PDP1: variants seen among roughly 807,000 people sequenced by gnomAD.
PDP1 encodes the protein pyruvate dehydrogenase phosphatase catalytic subunit 1.
In PDP1, 14 loss-of-function variants were observed where a neutral mutation model predicts 37.1. That is an observed-to-expected ratio of 0.38 (90% confidence interval 0.25 to 0.59). The LOEUF is 0.59. Among genes scored for constraint, PDP1 ranks in the 20% least tolerant of loss-of-function variants. The pLI is 0.67. For missense variants in PDP1, 544 were observed against 655.3 expected, an observed-to-expected ratio of 0.83 and a Z score of 1.85; for synonymous variants, 251 against 243.3, an observed-to-expected ratio of 1.03 and a Z score of -0.29.
chr8:93,921,174 T>C (rs1810257509), intron 1 of PDP1: 1 of 983,422 alleles, frequency 1.0e-6, no homozygotes, highest in African/African-American at 1.7e-5. Context: ...CATAAAGGCA[T>C]GAATCCTAGA....
chr8:93,917,396 G>T (rs2130855289), intron 1 of PDP1, among the ~76,000 whole-genome samples: 1 of 152,104 alleles, frequency 6.6e-6, no homozygotes, highest in African/African-American at 2.4e-5. Flanking sequence ...GGAGGCTGTA[G>T]GGCTGCGGCA....
chr8:93,917,638 T>TG (rs1563513976), intron 1 of PDP1: 7 of 602,264 alleles, frequency 1.2e-5, no homozygotes, highest in Non-Finnish European at 2.0e-5. Flanking sequence ...CCCCGCTGCC[T>TG]TGGGCTGTGG....
intron 1 of PDP1, among the ~76,000 whole-genome samples, chr8:93,918,618 C>T (rs1810162475): frequency 1.3e-5 from 2 of 152,142 alleles, no homozygotes; most frequent in Non-Finnish European, 2.9e-5. Context: ...AGGAAATTTT[C>T]CGTGAAAATT....
intron 1 of PDP1, chr8:93,919,235 A>G (rs1810182523): frequency 5.4e-6 from 3 of 553,050 alleles, no homozygotes; most frequent in Non-Finnish European, 6.9e-6. Flanking sequence ...AGTAGAAAAG[A>G]TGTCATACCA....
chr8:93,923,748 A>G lies in PDP1; in HGVS notation c.*75A>G, dbSNP rs1810361304. ...AGATTTTTTAAAAAGATACTACTAT[A>G]ATAAACATTTCCAGTTGGTCATTCT... is the stretch of plus-strand genomic sequence containing the variant. On this transcript the variant is annotated 3_prime_UTR_variant, in exon 2 of 2. Coordinates refer to ENST00000297598, the MANE Select transcript of PDP1 (RefSeq NM_018444.4). This position sits in a 1 kb window ranked among gnomAD's most constrained non-coding sequence, Gnocchi z 4.3. 1 of 1,168,968 alleles carries G rather than the reference A, an allele frequency of 8.6e-7. No homozygotes were observed. The highest frequency in any genetic ancestry group is 1.3e-6 in the Non-Finnish European group (1 of 776,850). The allele number at this position is 1,168,968 out of a possible 1,614,324, so 72.4% of individuals were successfully genotyped here. A position where few individuals can be genotyped will look rare whatever the true frequency, so the allele number is the denominator to read the frequency against.
At position 93,923,414 on chromosome 8, in the gene PDP1, A is replaced by G. The variant is rs749767366; in HGVS notation, c.1355A>G (p.Lys452Arg). Reference protein sequence around the residue: ...HQQPIAVGGYKVTLGQMHGLL... With the variant: ...HQQPIAVGGYRVTLGQMHGLL... Reference sequence around the variant, plus strand: ...CAGCCAATAGCTGTTGGTGGCTACAAGGTGACTCTGGGACAGATGCATGGC... The same window carrying G: ...CAGCCAATAGCTGTTGGTGGCTACAGGGTGACTCTGGGACAGATGCATGGC... Residue 452 changes from lysine (K) to arginine (R), a missense_variant, in exon 2 of 2, where the codon AAG (lysine) becomes AGG (arginine). Coordinates refer to ENST00000297598, the MANE Select transcript of PDP1 (RefSeq NM_018444.4). This position sits in a 1 kb window ranked among gnomAD's most constrained non-coding sequence, Gnocchi z 4.3. The G allele has an allele frequency of 4.0e-5, 64 of 1,605,574 alleles. No individual in the cohort carries two copies. The highest frequency in any genetic ancestry group is 3.3e-4 in the Middle Eastern group (2 of 6,030).
intron 1 of PDP1, chr8:93,921,070 A>C: frequency 1.0e-6 from 1 of 956,334 alleles, no homozygotes; most frequent in Non-Finnish European, 1.2e-6. Context: ...CAATACTTAA[A>C]CTTTTTTTTT....
chr8:93,923,013 T>C lies in PDP1; in HGVS notation c.954T>C (p.Asn318=), dbSNP rs1399111336. 6.2e-7 allele frequency: 1 copy of C among 1,614,070 alleles called. No homozygotes were observed. The highest frequency in any genetic ancestry group is 1.1e-5 in the South Asian group (1 of 91,084). The change falls in exon 2 of 2, where the codon AAT becomes AAC. Residue 318 remains asparagine (N), a synonymous_variant. Coordinates refer to ENST00000297598, the MANE Select transcript of PDP1 (RefSeq NM_018444.4). This position sits in a 1 kb window ranked among gnomAD's most constrained non-coding sequence, Gnocchi z 4.3. ...TGTCTAATGACCACAATGCTCAAAATGAAAGAGAACTAGAACGGCTGAAAT... is the reference window on the plus strand; with the variant it reads ...TGTCTAATGACCACAATGCTCAAAACGAAAGAGAACTAGAACGGCTGAAAT... ...VTLSNDHNAQ[N]ERELERLKLE... is the part of the protein sequence containing the mutation.
Position 93,922,385 on chromosome 8 carries a change from T to C in PDP1, c.326T>C (p.Ile109Thr). The change falls in exon 2 of 2, where the codon ATC becomes ACC. Residue 109 changes from isoleucine (I) to threonine (T), a missense_variant. Ile to Thr is a moderately conservative substitution (Grantham distance 89, BLOSUM62 -1). Around this residue, in one of 5 missense-constraint regions of PDP1, gnomAD observed 342 missense variants for 414.0 expected, o/e 0.83. Transcript: ENST00000297598. The surrounding 1 kb of genome is among the most constrained non-coding windows in gnomAD (Gnocchi z 4.0). Reference sequence around the variant, plus strand: ...TTTGACGGCAAAAATGTCAGTTCTATCCTTGGATTTGACAGCAATCAGCTG... The same window carrying C: ...TTTGACGGCAAAAATGTCAGTTCTACCCTTGGATTTGACAGCAATCAGCTG... ...PEFDGKNVSS[I>T]LGFDSNQLPA... 6.2e-7 allele frequency: 1 copy of C among 1,614,224 alleles called. No homozygotes were observed. Among genetic ancestry groups the C allele is most frequent in the Non-Finnish European group, 8.5e-7 (1 of 1,180,034 alleles).
chr8:93,921,367 C>T, intron 1 of PDP1: 1 of 980,424 alleles, frequency 1.0e-6, no homozygotes, highest in Non-Finnish European at 1.2e-6. Flanking sequence ...TACTGGGGTA[C>T]AGGAGAGAAA....
rs764697879 is a variant in PDP1, at chr8:93,917,079, G to T, written c.-45G>T. 1 of 478,556 alleles carries T rather than the reference G, an allele frequency of 2.1e-6. No individual in the cohort carries two copies. Among genetic ancestry groups the T allele is most frequent in the South Asian group, 1.5e-5 (1 of 66,904 alleles). The allele number at this position is 478,556 out of a possible 1,614,324, so 29.6% of individuals were successfully genotyped here. A position where few individuals can be genotyped will look rare whatever the true frequency, so the allele number is the denominator to read the frequency against. ...AATCGTTTGGTCTCCTGCCGTGCCC[G>T]GTTCGTATTCCCTACTCCCTGCCAC... On this transcript the variant is annotated splice_region_variant and 5_prime_UTR_variant, in exon 1 of 2. Coordinates refer to ENST00000297598, the MANE Select transcript of PDP1 (RefSeq NM_018444.4).
chr8:93,920,968 T>C (rs1810250231), intron 1 of PDP1: 1 of 984,126 alleles, frequency 1.0e-6, no homozygotes, highest in Non-Finnish European at 1.2e-6. Context: ...TGGGTTTTCC[T>C]TATAGCTGCT....
rs1286671211 is a variant in PDP1, at chr8:93,924,016, T to TC, written c.*343_*344insC. 1.5e-5 allele frequency: 5 copies of TC among 342,006 alleles called. No homozygotes were observed. The highest frequency in any genetic ancestry group is 1.1e-4 in the African/African-American group (5 of 46,744). The allele number at this position is 342,006 out of a possible 1,614,324, so 21.2% of individuals were successfully genotyped here. On this transcript the variant is annotated 3_prime_UTR_variant, in exon 2 of 2. Transcript: ENST00000297598. ...CCAAAAGCAAGTATCTTGCTGTGTG[T>TC]AGTCTCTTGGTTAAAGTGAAGAAAC...
At chr8:93,917,873 G>C (rs1405867119) in intron 1 of PDP1, 5 of 1,613,926 alleles carry the variant, frequency 3.1e-6, no homozygotes, top group Non-Finnish European at 4.2e-6. Flanking sequence ...CTGCCCGCGC[G>C]GGTTGTGGAT....
At position 93,916,963 on chromosome 8, in the gene PDP1, G is replaced by T. The variant is rs771299570; in HGVS notation, c.-161G>T. 19 of 458,276 alleles carry T rather than the reference G, an allele frequency of 4.1e-5. No individual in the cohort carries two copies. Among genetic ancestry groups the T allele is most frequent in the Non-Finnish European group, 8.2e-5 (19 of 232,906 alleles). 28.4% of individuals were successfully genotyped at this position (458,276 alleles called of 1,614,324 possible). A position where few individuals can be genotyped will look rare whatever the true frequency, so the allele number is the denominator to read the frequency against. On this transcript the variant is annotated 5_prime_UTR_variant, in exon 1 of 2. Coordinates refer to ENST00000297598, the MANE Select transcript of PDP1 (RefSeq NM_018444.4). The stretch of plus-strand genomic sequence containing the variant: ...TAGGGGAGCAGAGTGGGCAGGCCGG[G>T]GGTGAGGGCTCGCGCTCCGGGAGCT...
chr8:93,917,636 C>T, intron 1 of PDP1: 1 of 597,884 alleles, frequency 1.7e-6, no homozygotes, highest in Non-Finnish European at 2.9e-6. Context: ...GGCCCCGCTG[C>T]CTTGGGCTGT....
rs1810363132 is a variant in PDP1 at position 93,923,812 on chromosome 8, T to A, written c.*139T>A. The A allele has an allele frequency of 1.3e-5, 10 of 787,300 alleles. No individual in the cohort carries two copies. In the South Asian group the frequency reaches 1.3e-4, roughly 11 times the overall value. The allele number at this position is 787,300 out of a possible 1,614,324, so 48.8% of individuals were successfully genotyped here. On this transcript the variant is annotated 3_prime_UTR_variant, in exon 2 of 2. Transcript: ENST00000297598. The surrounding 1 kb of genome is among the most constrained non-coding windows in gnomAD (Gnocchi z 4.3). ...TTTGATACTCTAGCTAGTCAGGTAC[T>A]CCAAATTGACTTTGCAGCAGGGTGG...
chr8:93,920,553 G>A, intron 1 of PDP1: 1 of 923,042 alleles, frequency 1.1e-6, no homozygotes, highest in Non-Finnish European at 1.3e-6. Context: ...AAATTATCTA[G>A]ATTAATGATA....
Position 93,923,317 on chromosome 8 carries a change from T to G in PDP1, c.1258T>G (p.Leu420Val), listed in dbSNP as rs759729815. The change falls in exon 2 of 2, where the codon TTG (leucine) becomes GTG (valine). Residue 420 changes from leucine (L) to valine (V), a missense_variant. Leu to Val is a conservative substitution (Grantham distance 32). Around this residue, in one of 5 missense-constraint regions of PDP1, gnomAD observed 159 missense variants for 165.5 expected, o/e 0.96. Coordinates refer to ENST00000297598, the MANE Select transcript of PDP1 (RefSeq NM_018444.4). This position sits in a 1 kb window ranked among gnomAD's most constrained non-coding sequence, Gnocchi z 4.3. ...GTTTCTGGTGTTGGCTACTGATGGG[T>G]TGTGGGAGACTATGCATAGGCAGGA... ...DKFLVLATDGLWETMHRQDVV... is the reference protein window; with the variant it reads ...DKFLVLATDGVWETMHRQDVV... 6.2e-7 allele frequency: 1 copy of G among 1,614,044 alleles called. No individual in the cohort carries two copies. The highest frequency in any genetic ancestry group is 8.5e-7 in the Non-Finnish European group (1 of 1,179,996).
Sources: allele counts gnomAD v4.1 joint callset (sites outside exome capture counted in the v4.1 genomes callset), GRCh38; gene constraint gnomAD v4.1.1; regional missense constraint gnomAD v4.1.1; non-coding constraint Gnocchi (gnomAD v3.1); transcripts MANE v1.5; gene names NCBI Gene and HGNC (gene_info 2026-07-23, HGNC 2026-07-21).